MICAL2: variants seen among roughly 807,000 people sequenced by gnomAD.
The protein encoded by MICAL2 is [F-actin]-monooxygenase MICAL2.
MICAL2 carries 77 observed loss-of-function variants against 127.3 expected under a neutral mutation model. The ratio of observed to expected loss-of-function variants is 0.60; its 90% confidence interval spans 0.50 to 0.73. The LOEUF is 0.73. Among genes scored for constraint, MICAL2 ranks in the 30% least tolerant of loss-of-function variants. The probability of loss-of-function intolerance (pLI) is 0.00; values close to 1 mark genes in which losing one functional copy is unlikely to be tolerated. For missense variants in MICAL2, 1,351 were observed against 1,434.4 expected (o/e 0.94, Z 0.94); for synonymous variants, 570 against 551.1 (o/e 1.03, Z -0.48).
intron 32 of MICAL2, among the ~76,000 whole-genome samples, chr11:12,330,861 TAGAGAGAGAGAGAGAGAGAGACAG>T (rs1196681703): frequency 4.5e-5 from 3 of 67,062 alleles, no homozygotes; most frequent in African/African-American, 1.4e-4. Context: ...GAGAGAGGGG[TAGAGAGAGAGAGAGAGAGAGACAG>T]AGAGAGAGAG....
intron 3 of MICAL2, among the ~76,000 whole-genome samples, chr11:12,166,345 G>A (rs905752051): frequency 4.6e-5 from 7 of 152,200 alleles, no homozygotes; most frequent in Admixed American, 2.0e-4. Context: ...TGTTTCCAGT[G>A]CCCTACACCT....
chr11:12,170,077 A>G (rs1305781951), intron 3 of MICAL2, among the ~76,000 whole-genome samples: 2 of 152,146 alleles, frequency 1.3e-5, no homozygotes, highest in East Asian at 1.9e-4. Context: ...TTGTAACAAC[A>G]ACAGTTTTAT....
chr11:12,328,577 C>G (rs553204584), intron 32 of MICAL2, among the ~76,000 whole-genome samples: 1 of 152,010 alleles, frequency 6.6e-6, no homozygotes, highest in Non-Finnish European at 1.5e-5. Flanking sequence ...CCTACATTTT[C>G]GGAAATCTTC....
At chr11:12,187,720 TCTTA>T (rs758277391) in intron 3 of MICAL2, among the ~76,000 whole-genome samples, 7 of 152,298 alleles carry the variant, frequency 4.6e-5, no homozygotes, top group Non-Finnish European at 7.4e-5. Context: ...TCCGTATCTG[TCTTA>T]CTTCTCGGCT....
intron 21 of MICAL2, among the ~76,000 whole-genome samples, chr11:12,246,694 G>A (rs562901209): frequency 2.0e-4 from 31 of 152,184 alleles, no homozygotes; most frequent in Admixed American, 1.8e-3. Context: ...TCAAACTTTG[G>A]GACTCGAGTG....
intron 2 of MICAL2, among the ~76,000 whole-genome samples, chr11:12,157,091 A>G (rs2133769615): frequency 6.6e-6 from 1 of 152,290 alleles, no homozygotes; most frequent in Non-Finnish European, 1.5e-5. Flanking sequence ...TCCTGGGCAA[A>G]CTGCTGCTTT....
upstream of MICAL2, chr11:12,275,891 A>G (rs1863718222): frequency 7.5e-6 from 3 of 398,266 alleles, no homozygotes; most frequent in African/African-American, 2.1e-5. Context: ...GTATCTGAGT[A>G]GACCCCAGGC....
chr11:12,313,167 C>CAAAAAAA (rs61207104), intron 29 of MICAL2, among the ~76,000 whole-genome samples: 6 of 69,258 alleles, frequency 8.7e-5, no homozygotes, highest in South Asian at 9.3e-4. Context: ...GACTACATCT[C>CAAAAAAA]AAAAAAAAAA....
In MICAL2 at chr11:12,224,656, C is replaced by A. The variant is rs765051434; in HGVS notation, c.1541-17C>A. On this transcript the variant is annotated splice_polypyrimidine_tract_variant and intron_variant, in intron 12 of 27. Coordinates refer to ENST00000683283, the MANE Select transcript of MICAL2 (RefSeq NM_001282663.2). Reference sequence around the variant, plus strand: ...GATTCCTGCAGAGCCTCACTGCCTGCGCTCTCCTTCTTGCAGAGTCAGATA... The same window carrying A: ...GATTCCTGCAGAGCCTCACTGCCTGAGCTCTCCTTCTTGCAGAGTCAGATA... 3 of 1,610,418 alleles carry A rather than the reference C, an allele frequency of 1.9e-6. No homozygotes were observed. In the African/African-American group the frequency reaches 4.0e-5, roughly 22 times the overall value.
In MICAL2 at chr11:12,286,581, A is replaced by G. The variant is rs11825353; in HGVS notation, c.255-506A>G. Among the ~76,000 whole-genome samples the G allele has an allele frequency of 4.7e-3, 718 of 152,296 alleles. 6 individuals carry two copies. The highest frequency in any genetic ancestry group is 0.017 in the African/African-American group (688 of 41,556). On this transcript the variant is annotated intron_variant, in intron 2 of 2. Transcript: ENST00000529028. The stretch of plus-strand genomic sequence containing the variant: ...CCTGTCCCATAGCAGGGTCTCAAAT[A>G]TTTGATGCCAGGTGTGGTGGCTCAT...
At chr11:12,114,623 C>T (rs996229404) in intron 1 of MICAL2, among the ~76,000 whole-genome samples, 2 of 152,180 alleles carry the variant, frequency 1.3e-5, no homozygotes, top group African/African-American at 4.8e-5. Context: ...CACGCAGAGG[C>T]TCCATAAGCA....
chr11:12,220,337 G>A lies in MICAL2; in HGVS notation c.1085G>A (p.Gly362Glu), dbSNP rs766532554. The A allele has an allele frequency of 6.2e-7, 1 of 1,614,202 alleles. No homozygotes were observed. The highest frequency in any genetic ancestry group is 8.5e-7 in the Non-Finnish European group (1 of 1,180,034). Residue 362 changes from glycine (G) to glutamate (E), a missense_variant, in exon 9 of 28, where the codon GGG (glycine) becomes GAG (glutamate). Gly to Glu is a moderately conservative substitution (Grantham distance 98, BLOSUM62 -2). This residue lies in a region of MICAL2 where 599 missense variants were observed against 714.9 expected (regional missense o/e 0.84). Transcript: ENST00000683283. Reference protein sequence around the residue: ...PSLDFAMNHYGQPDVAMFDFT... With the variant: ...PSLDFAMNHYEQPDVAMFDFT... ...TTAGACTTTGCCATGAACCACTATG[G>A]GCAGCCTGATGTGGCCATGTTTGAC...
intron 1 of MICAL2, among the ~76,000 whole-genome samples, chr11:12,125,718 C>T (rs568678652): frequency 1.3e-4 from 20 of 152,230 alleles, no homozygotes; most frequent in African/African-American, 3.9e-4. Context: ...AATCACGGTC[C>T]GGAAACAGAC....
chr11:12,217,611 G>A (rs1856344838), intron 8 of MICAL2, among the ~76,000 whole-genome samples: 1 of 152,134 alleles, frequency 6.6e-6, no homozygotes, highest in African/African-American at 2.4e-5. Flanking sequence ...TTGCAGAGGA[G>A]AGGTTAGGCA....
intron 7 of MICAL2, among the ~76,000 whole-genome samples, chr11:12,214,642 A>C (rs1855920800): frequency 6.6e-6 from 1 of 152,262 alleles, no homozygotes; most frequent in Non-Finnish European, 1.5e-5. Flanking sequence ...TAAAACAATC[A>C]GAATATTTTA....
At chr11:12,341,962 T>C (rs901864580) in intron 32 of MICAL2, among the ~76,000 whole-genome samples, 6 of 152,250 alleles carry the variant, frequency 3.9e-5, no homozygotes, top group Non-Finnish European at 8.8e-5. Flanking sequence ...AGAGTACTCT[T>C]GGGCAAAACT....
downstream of MICAL2, among the ~76,000 whole-genome samples, chr11:12,295,578 G>C (rs1248987121): frequency 6.8e-6 from 1 of 146,178 alleles, no homozygotes; most frequent in African/African-American, 2.5e-5. Flanking sequence ...TTTATTTTTT[G>C]TGGAGATGGA....
chr11:12,128,713 T>G (rs1844736387), intron 1 of MICAL2, among the ~76,000 whole-genome samples: 1 of 152,212 alleles, frequency 6.6e-6, no homozygotes, highest in African/African-American at 2.4e-5. Context: ...AGCCACCCTC[T>G]CAGAGTCTAT....
chr11:12,221,709 G>T lies in MICAL2; in HGVS notation c.1272G>T (p.Met424Ile). Residue 424 changes from methionine (M) to isoleucine (I), a missense_variant, in exon 10 of 28, where the codon ATG becomes ATT. Coordinates refer to ENST00000683283, the MANE Select transcript of MICAL2 (RefSeq NM_001282663.2). ...TGGCAGCCTTTGACACGGCATGGAT[G>T]GTGAAGAGCTGGAACCAGGGCACCC... ...GFLAAFDTAWMVKSWNQGTPP... is the reference protein window; with the variant it reads ...GFLAAFDTAWIVKSWNQGTPP... 6.2e-7 allele frequency: 1 copy of T among 1,613,954 alleles called. No individual in the cohort carries two copies. The highest frequency in any genetic ancestry group is 8.5e-7 in the Non-Finnish European group (1 of 1,179,950).
Sources: gnomAD v4.1 joint callset for allele counts (sites outside exome capture counted in the v4.1 genomes callset) on GRCh38, gnomAD v4.1.1 for gene constraint, gnomAD v4.1.1 regional missense constraint, MANE v1.5 for transcripts, NCBI Gene and HGNC (gene_info 2026-07-23, HGNC 2026-07-21) for gene names.